The following COL19A1 variants were observed in gnomAD, a reference collection of about 807,000 sequenced individuals.
COL19A1 encodes collagen type XIX alpha 1 chain, also known as collagen alpha-1(XIX) chain.
In COL19A1, 159 loss-of-function variants were observed where a neutral mutation model predicts 190.2. The ratio of observed to expected loss-of-function variants is 0.84; its 90% CI spans 0.73 to 0.95. The LOEUF is 0.95. Ranked by LOEUF, COL19A1 falls within the 40% of genes least tolerant of loss-of-function variation. The pLI is 0.00. For missense variants in COL19A1, 1,418 were observed against 1,431.9 expected (o/e 0.99, Z 0.16); for synonymous variants, 509 against 458.9 (o/e 1.11, Z -1.39).
chr6:70,193,215 A>T (rs1021396403), intron 48 of COL19A1, among the ~76,000 whole-genome samples: 2 of 151,980 alleles, frequency 1.3e-5, no homozygotes, highest in African/African-American at 4.8e-5. Context: ...AGCAAAAGAG[A>T]CACTTCTACT....
intron 2 of COL19A1, among the ~76,000 whole-genome samples, chr6:69,886,515 A>G (rs1241609620): frequency 6.6e-6 from 1 of 152,228 alleles, no homozygotes; most frequent in Admixed American, 6.5e-5. Flanking sequence ...TACCTTGTGA[A>G]GATATATCTG....
At chr6:69,906,717 A>G (rs2149981396) in intron 4 of COL19A1, among the ~76,000 whole-genome samples, 1 of 152,322 alleles carries the variant, frequency 6.6e-6, no homozygotes, top group African/African-American at 2.4e-5. Flanking sequence ...AGTGAAAGGG[A>G]GTCTTCTTTA....
chr6:70,121,168 GT>G (rs1386838509), intron 16 of COL19A1, among the ~76,000 whole-genome samples: 2 of 152,030 alleles, frequency 1.3e-5, no homozygotes, highest in Non-Finnish European at 2.9e-5. Context: ...GCTAATCTTT[GT>G]GTTTTTTTAT....
chr6:70,095,191 T>C (rs1036086751), intron 15 of COL19A1, among the ~76,000 whole-genome samples: 2 of 152,240 alleles, frequency 1.3e-5, no homozygotes, highest in African/African-American at 4.8e-5. Flanking sequence ...TATTGTTGCA[T>C]GTAGTTCAAT....
chr6:70,038,241 C>T lies in COL19A1; in HGVS notation c.1170+2302C>T, dbSNP rs137859225. Among the ~76,000 whole-genome samples, 21 of 152,332 alleles carry T rather than the reference C, an allele frequency of 1.4e-4. No individual in the cohort carries two copies. The East Asian group carries it at 3.1e-3, about 22-fold the overall frequency. On this transcript the variant is annotated intron_variant, in intron 14 of 50. Transcript: ENST00000620364. Reference sequence around the variant, plus strand: ...ATAATTGTTCTCAAAACTAGCTCCACGCTAAAATCTACTGAAGAGTTAAAA... The same window carrying T: ...ATAATTGTTCTCAAAACTAGCTCCATGCTAAAATCTACTGAAGAGTTAAAA...
At chr6:69,905,644 G>A (rs1770504707) in intron 4 of COL19A1, among the ~76,000 whole-genome samples, 1 of 152,350 alleles carries the variant, frequency 6.6e-6, no homozygotes, top group Admixed American at 6.5e-5. Flanking sequence ...AACAAGAGGA[G>A]TTATACGCCT....
intron 11 of COL19A1, among the ~76,000 whole-genome samples, chr6:69,972,493 TAGAG>T (rs968155059): frequency 6.6e-6 from 1 of 152,186 alleles, no homozygotes; most frequent in African/African-American, 2.4e-5. Flanking sequence ...GGAAGTATTA[TAGAG>T]AAAGTTAAGT....
At chr6:70,143,832 A>G (rs1377202154) in intron 23 of COL19A1, among the ~76,000 whole-genome samples, 1 of 152,046 alleles carries the variant, frequency 6.6e-6, no homozygotes, top group African/African-American at 2.4e-5. Flanking sequence ...AAAAAGAACA[A>G]AATCTAAAGG....
chr6:70,106,942 G>A (rs990368714), intron 16 of COL19A1, among the ~76,000 whole-genome samples: 3 of 152,230 alleles, frequency 2.0e-5, no homozygotes, highest in African/African-American at 4.8e-5. Context: ...AGGTTCAGAG[G>A]AAAGAGGGAT....
chr6:69,945,529 AC>A (rs1168136863), intron 9 of COL19A1, among the ~76,000 whole-genome samples: 2 of 152,128 alleles, frequency 1.3e-5, no homozygotes, highest in Admixed American at 6.6e-5. Flanking sequence ...AAATAAGGAT[AC>A]CTTCTCTTAG....
At position 69,937,420 on chromosome 6, in the gene COL19A1, A is replaced by G. The variant is rs565427886; in HGVS notation, c.873+510A>G. Among the ~76,000 whole-genome samples the G allele has an allele frequency of 5.9e-5, 9 of 152,262 alleles. No individual in the cohort carries two copies. In the South Asian group the frequency reaches 6.2e-4, roughly 11 times the overall value. On this transcript the variant is annotated intron_variant, in intron 8 of 50. Coordinates refer to ENST00000620364, the MANE Select transcript of COL19A1 (RefSeq NM_001858.6). Reference sequence around the variant, plus strand: ...TGTTGTTACTCAAATAATTTGTTTCATCTGCACCAATATGATCCCCTGGTC... The same window carrying G: ...TGTTGTTACTCAAATAATTTGTTTCGTCTGCACCAATATGATCCCCTGGTC...
chr6:69,965,811 A>G (rs115202449), intron 11 of COL19A1, among the ~76,000 whole-genome samples: 2,612 of 152,196 alleles, frequency 0.017, 85 homozygotes, highest in African/African-American at 0.058. Flanking sequence ...CTAGCTGGCA[A>G]AGTTAGGTGT....
chr6:69,911,645 TTCTC>T (rs1301377215), intron 4 of COL19A1, among the ~76,000 whole-genome samples: 2 of 152,170 alleles, frequency 1.3e-5, no homozygotes, highest in African/African-American at 2.4e-5. Context: ...TCTCAACTTC[TTCTC>T]TCTACTTCAT....
chr6:70,081,660 T>G (rs976267376), intron 15 of COL19A1, among the ~76,000 whole-genome samples: 7 of 152,188 alleles, frequency 4.6e-5, no homozygotes. Context: ...AAGATTAATA[T>G]GTTAATTTGG....
rs1765790303 is a variant in COL19A1, at chr6:70,176,132, T to C, written c.2623-388T>C. Reference sequence around the variant, plus strand: ...CAATGAGACAAGGATAGGAAAAGCTTTTTGGAAGACACTCAAAGTGCTTAA... The same window carrying C: ...CAATGAGACAAGGATAGGAAAAGCTCTTTGGAAGACACTCAAAGTGCTTAA... On this transcript the variant is annotated intron_variant, in intron 41 of 50. Coordinates refer to ENST00000620364, the MANE Select transcript of COL19A1 (RefSeq NM_001858.6). Among the ~76,000 whole-genome samples, 3 of 152,180 alleles carry C rather than the reference T, an allele frequency of 2.0e-5. 1 individual carries two copies. The highest frequency in any genetic ancestry group is 2.0e-4 in the Admixed American group (3 of 15,278).
intron 12 of COL19A1, among the ~76,000 whole-genome samples, chr6:70,024,582 CGTGTG>C (rs1420680037): frequency 7.0e-6 from 1 of 143,394 alleles, no homozygotes; most frequent in Admixed American, 7.0e-5. Context: ...TGGAGAAAGT[CGTGTG>C]TGTGTGTGTG....
intron 16 of COL19A1, among the ~76,000 whole-genome samples, chr6:70,109,650 T>C (rs1784175571): frequency 1.3e-5 from 2 of 152,002 alleles, no homozygotes; most frequent in Non-Finnish European, 2.9e-5. Flanking sequence ...TAAATTATTC[T>C]GAAGGTAATA....
intron 2 of COL19A1, among the ~76,000 whole-genome samples, chr6:69,895,671 G>T (rs546332437): frequency 6.6e-6 from 1 of 152,312 alleles, no homozygotes; most frequent in East Asian, 1.9e-4. Context: ...CCACCTCAGT[G>T]GGCGGGCTGG....
At chr6:69,901,740 C>T (rs1770204913) in intron 4 of COL19A1, among the ~76,000 whole-genome samples, 1 of 152,174 alleles carries the variant, frequency 6.6e-6, no homozygotes. Flanking sequence ...AAAGGCAATA[C>T]ATTCTGTTTA....
Sources: allele counts gnomAD v4.1 joint callset (sites outside exome capture counted in the v4.1 genomes callset), GRCh38; gene constraint gnomAD v4.1.1; transcripts MANE v1.5; gene names NCBI Gene and HGNC (gene_info 2026-07-23, HGNC 2026-07-21).